The following UEVLD variants were observed in gnomAD, a reference collection of about 807,000 sequenced individuals.
UEVLD encodes the protein ubiquitin-conjugating enzyme E2 variant 3.
UEVLD carries 47 observed loss-of-function variants against 58.6 expected under a neutral mutation model. The ratio of observed to expected loss-of-function variants is 0.80; its 90% confidence interval spans 0.63 to 1.02. The LOEUF (loss-of-function observed/expected upper bound fraction) is 1.02, where lower values mean the gene tolerates loss of function less well. UEVLD is among the 50% of genes least tolerant of loss of function. The pLI is 0.00. For missense variants in UEVLD, 510 were observed against 550.6 expected (o/e 0.93, Z 0.74); for synonymous variants, 197 against 195.3 (o/e 1.01, Z -0.07).
intron 6 of UEVLD, among the ~76,000 whole-genome samples, chr11:18,562,979 G>C (rs1852117273): frequency 6.6e-6 from 1 of 151,940 alleles, no homozygotes; most frequent in Admixed American, 6.6e-5. Flanking sequence ...CCAGGAGATA[G>C]AGACCGCAGT....
chr11:18,560,478 A>G (rs973232881), intron 6 of UEVLD, among the ~76,000 whole-genome samples: 1 of 152,198 alleles, frequency 6.6e-6, no homozygotes, highest in African/African-American at 2.4e-5. Flanking sequence ...TTTCTATCAA[A>G]AATTTAAAAC....
chr11:18,556,327 C>CA (rs1402003770), intron 7 of UEVLD, among the ~76,000 whole-genome samples: 1 of 152,138 alleles, frequency 6.6e-6, no homozygotes, highest in Non-Finnish European at 1.5e-5. Context: ...ATGAGACCTA[C>CA]AAAAAAGATC....
chr11:18,583,221 GC>G (rs1853341026), intron 1 of UEVLD, among the ~76,000 whole-genome samples: 1 of 59,718 alleles, frequency 1.7e-5, no homozygotes, highest in African/African-American at 5.9e-5. Context: ...ATTGTGCCCA[GC>G]TTTTTTTTTT....
chr11:18,577,174 A>G (rs534000679), intron 2 of UEVLD, among the ~76,000 whole-genome samples: 1 of 152,212 alleles, frequency 6.6e-6, no homozygotes, highest in South Asian at 2.1e-4. Context: ...ACAGACAGTG[A>G]CTACGTCTCA....
At chr11:18,577,871 C>CAAAAAAAAAAAAAAAAAAAAAAAAAA (rs550091645) in intron 2 of UEVLD, among the ~76,000 whole-genome samples, 1 of 66,778 alleles carries the variant, frequency 1.5e-5, no homozygotes, top group African/African-American at 5.7e-5. Flanking sequence ...GACTCCATCT[C>CAAAAAAAAAAAAAAAAAAAAAAAAAA]AAAAAAAAAA....
chr11:18,529,915 T>C lies in UEVLD; in HGVS notation c.*2405A>G, dbSNP rs2133942730. 6.6e-6 allele frequency: 1 copy of C among 152,304 alleles called. No individual in the cohort carries two copies. Among genetic ancestry groups the C allele is most frequent in the South Asian group, 2.1e-4 (1 of 4,824 alleles). The allele number at this position is 152,304 out of a possible 1,614,324, so 9.4% of individuals were successfully genotyped here. A position where few individuals can be genotyped will look rare whatever the true frequency, so the allele number is the denominator to read the frequency against. On this transcript the variant is annotated 3_prime_UTR_variant, in exon 12 of 12. Coordinates refer to ENST00000396197, the MANE Select transcript of UEVLD (RefSeq NM_001040697.4). ...TCAAGGAAATATCTGATACAGAGAATTACTTCTACATTGTGGCCTTCCAGA... is the reference window on the plus strand; with the variant it reads ...TCAAGGAAATATCTGATACAGAGAACTACTTCTACATTGTGGCCTTCCAGA...
rs1421265755 is a variant in UEVLD, at chr11:18,529,771, G to T, written c.*2549C>A. The T allele has an allele frequency of 6.6e-6, 1 of 152,170 alleles. No individual in the cohort carries two copies. Among genetic ancestry groups the T allele is most frequent in the Non-Finnish European group, 1.5e-5 (1 of 68,022 alleles). 9.4% of individuals were successfully genotyped at this position (152,170 alleles called of 1,614,324 possible). On this transcript the variant is annotated 3_prime_UTR_variant, in exon 12 of 12. Coordinates refer to ENST00000396197, the MANE Select transcript of UEVLD (RefSeq NM_001040697.4). ...CATGATTTCATAAAAATGAAAACAT[G>T]AAAGTTAACAAGCATTGAAAATGCC... is the stretch of plus-strand genomic sequence containing the variant.
chr11:18,576,207 C>T (rs965742184), intron 2 of UEVLD, among the ~76,000 whole-genome samples: 1 of 152,144 alleles, frequency 6.6e-6, no homozygotes, highest in African/African-American at 2.4e-5. Flanking sequence ...TCCTTCTTGC[C>T]TGGGGACTAG....
At position 18,542,890 on chromosome 11, in the gene UEVLD, C is replaced by CTTTTTCT. The variant is rs1554975747; in HGVS notation, c.1060+1732_1060+1733insAGAAAAA. On this transcript the variant is annotated intron_variant, in intron 9 of 11. Coordinates refer to ENST00000396197, the MANE Select transcript of UEVLD (RefSeq NM_001040697.4). ...CAGAGGAGTTATTTTCTTTTCTTTT[C>CTTTTTCT]TTTTTTTTTTTTTTTTCTTTGAGAC... Among the ~76,000 whole-genome samples, 941 of 125,884 alleles carry CTTTTTCT rather than the reference C, an allele frequency of 7.5e-3. 9 individuals carry two copies. Among genetic ancestry groups the CTTTTTCT allele is most frequent in the African/African-American group, 0.026 (888 of 34,814 alleles). The allele number at this position is 125,884 out of a possible 152,430, so 82.6% of individuals were successfully genotyped here.
chr11:18,538,084 C>T lies in UEVLD; in HGVS notation c.1061-1615G>A, dbSNP rs114708705. On this transcript the variant is annotated intron_variant, in intron 9 of 11. Transcript: ENST00000396197. ...TCTGTACATATTTGAGTAGGCAAAA[C>T]AAAAATACTTGTGGCTATAGAATAA... is the stretch of plus-strand genomic sequence containing the variant. Among the ~76,000 whole-genome samples the T allele has an allele frequency of 5.8e-3, 876 of 152,196 alleles. 5 individuals are homozygous for T. The highest frequency in any genetic ancestry group is 0.02 in the African/African-American group (833 of 41,538).
intron 2 of UEVLD, among the ~76,000 whole-genome samples, chr11:18,577,000 T>G (rs1852950046): frequency 6.6e-6 from 1 of 152,122 alleles, no homozygotes; most frequent in Non-Finnish European, 1.5e-5. Context: ...CTGGCCAACA[T>G]GGTGAAACCT....
At chr11:18,576,719 T>C (rs1164837405) in intron 2 of UEVLD, among the ~76,000 whole-genome samples, 2 of 152,024 alleles carry the variant, frequency 1.3e-5, no homozygotes, top group East Asian at 3.9e-4. Context: ...TCATCTGATC[T>C]TGTGGCCCCA....
chr11:18,530,182 A>G lies in UEVLD; in HGVS notation c.*2138T>C, dbSNP rs1359758990. On this transcript the variant is annotated 3_prime_UTR_variant, in exon 12 of 12. Transcript: ENST00000396197. ...AAGGCTAGTTTTAAAAACACAAGAA[A>G]TAGTTCTTTCAGTTTTACTTTCCTA... The G allele has an allele frequency of 6.6e-6, 1 of 152,240 alleles. No homozygotes were observed. The highest frequency in any genetic ancestry group is 2.4e-5 in the African/African-American group (1 of 41,468). The allele number at this position is 152,240 out of a possible 1,614,324, so 9.4% of individuals were successfully genotyped here. A position where few individuals can be genotyped will look rare whatever the true frequency, so the allele number is the denominator to read the frequency against.
intron 1 of UEVLD, among the ~76,000 whole-genome samples, chr11:18,580,617 C>T (rs903579221): frequency 2.0e-5 from 3 of 150,982 alleles, no homozygotes; most frequent in African/African-American, 7.3e-5. Context: ...GAAGTGCCTG[C>T]CTCTGGTCTT....
At chr11:18,550,194 C>T (rs891730676) in intron 7 of UEVLD, among the ~76,000 whole-genome samples, 1 of 152,064 alleles carries the variant, frequency 6.6e-6, no homozygotes, top group Admixed American at 6.6e-5. Flanking sequence ...TGCTATGTTG[C>T]CGAGGCTGGA....
chr11:18,585,738 A>C (rs1443229441), intron 1 of UEVLD, among the ~76,000 whole-genome samples: 1 of 151,876 alleles, frequency 6.6e-6, no homozygotes, highest in Non-Finnish European at 1.5e-5. Context: ...CCTGGGTTCA[A>C]GCGATTCTCC....
chr11:18,585,809 T>A (rs1221359118), intron 1 of UEVLD, among the ~76,000 whole-genome samples: 1 of 152,048 alleles, frequency 6.6e-6, no homozygotes, highest in Admixed American at 6.6e-5. Flanking sequence ...AGTTTTTACA[T>A]TTTTTAGGAG....
chr11:18,561,336 G>A (rs577959742), intron 6 of UEVLD, among the ~76,000 whole-genome samples: 25 of 152,294 alleles, frequency 1.6e-4, no homozygotes, highest in African/African-American at 5.8e-4. Flanking sequence ...GCTCATGCCT[G>A]TAATCCCAGC....
In UEVLD at chr11:18,529,921, C is replaced by A. The variant is rs1419709930; in HGVS notation, c.*2399G>T. 1 of 152,180 alleles carries A rather than the reference C, an allele frequency of 6.6e-6. No homozygotes were observed. Among genetic ancestry groups the A allele is most frequent in the Non-Finnish European group, 1.5e-5 (1 of 68,010 alleles). 9.4% of individuals were successfully genotyped at this position (152,180 alleles called of 1,614,324 possible). A position where few individuals can be genotyped will look rare whatever the true frequency, so the allele number is the denominator to read the frequency against. On this transcript the variant is annotated 3_prime_UTR_variant, in exon 12 of 12. Coordinates refer to ENST00000396197, the MANE Select transcript of UEVLD (RefSeq NM_001040697.4). ...AAATATCTGATACAGAGAATTACTTCTACATTGTGGCCTTCCAGAGGGCAA... is the reference window on the plus strand; with the variant it reads ...AAATATCTGATACAGAGAATTACTTATACATTGTGGCCTTCCAGAGGGCAA...
Sources: gnomAD v4.1 joint callset for allele counts (sites outside exome capture counted in the v4.1 genomes callset) on GRCh38, gnomAD v4.1.1 for gene constraint, MANE v1.5 for transcripts, NCBI Gene and HGNC (gene_info 2026-07-23, HGNC 2026-07-21) for gene names.